The following NOS1AP variants were observed in gnomAD, a reference collection of about 807,000 sequenced individuals.
NOS1AP encodes carboxyl-terminal PDZ ligand of neuronal nitric oxide synthase protein.
NOS1AP carries 21 observed loss-of-function variants against 56.2 expected under a neutral mutation model. That is an observed-to-expected ratio of 0.37 (90% CI 0.26 to 0.54). NOS1AP has a LOEUF of 0.54. NOS1AP is among the 20% of genes least tolerant of loss of function. The pLI, the probability that NOS1AP is intolerant of heterozygous loss-of-function variation, is 0.84. For missense variants in NOS1AP, 522 were observed against 657.8 expected (o/e 0.79, Z 2.26); for synonymous variants, 270 against 274.6 (o/e 0.98, Z 0.17).
intron 1 of NOS1AP, among the ~76,000 whole-genome samples, chr1:162,116,578 T>C (rs147448045): frequency 1.3e-5 from 2 of 152,286 alleles, no homozygotes; most frequent in African/African-American, 4.8e-5. Context: ...GATAGATTCG[T>C]AGTATGTTAC....
chr1:162,298,589 G>A lies in NOS1AP; in HGVS notation c.271-2044G>A, dbSNP rs897849101. ...TTAGTGTCACAGTAAGACAGTGAAT[G>A]CAGAAAGCTTAAATAACATCTAGAG... On this transcript the variant is annotated intron_variant, in intron 3 of 9. Coordinates refer to ENST00000361897, the MANE Select transcript of NOS1AP (RefSeq NM_014697.3). Among the ~76,000 whole-genome samples, 17 of 152,226 alleles carry A rather than the reference G, an allele frequency of 1.1e-4. 1 individual carries two copies. Among genetic ancestry groups the A allele is most frequent in the African/African-American group, 4.1e-4 (17 of 41,466 alleles).
At chr1:162,268,202 T>C (rs1436852525) in intron 2 of NOS1AP, among the ~76,000 whole-genome samples, 2 of 150,838 alleles carry the variant, frequency 1.3e-5, no homozygotes, top group African/African-American at 4.9e-5. Flanking sequence ...AAGGTTGCGG[T>C]AAGCCTAGAT....
chr1:162,095,346 G>A (rs1014092090), intron 1 of NOS1AP, among the ~76,000 whole-genome samples: 1 of 152,182 alleles, frequency 6.6e-6, no homozygotes, highest in African/African-American at 2.4e-5. Context: ...GATATAGCAG[G>A]AAGGTCTGTC....
chr1:162,354,893 C>A (rs1657648270), intron 6 of NOS1AP, among the ~76,000 whole-genome samples: 1 of 152,248 alleles, frequency 6.6e-6, no homozygotes, highest in Non-Finnish European at 1.5e-5. Context: ...TGATCAGCAT[C>A]CCCTTCTTCC....
intron 2 of NOS1AP, among the ~76,000 whole-genome samples, chr1:162,267,395 C>A (rs557332902): frequency 1.1e-3 from 168 of 151,750 alleles, no homozygotes; most frequent in Non-Finnish European, 1.8e-3. Flanking sequence ...TCTCTTGAAG[C>A]CCCACTGGAA....
chr1:162,327,360 A>G (rs554153183), intron 4 of NOS1AP, among the ~76,000 whole-genome samples: 2 of 152,366 alleles, frequency 1.3e-5, no homozygotes, highest in South Asian at 2.1e-4. Flanking sequence ...TGATTGCAAA[A>G]TAGTGATTGG....
intron 2 of NOS1AP, among the ~76,000 whole-genome samples, chr1:162,156,309 G>A (rs1185539023): frequency 2.0e-5 from 3 of 152,178 alleles, no homozygotes; most frequent in Admixed American, 6.5e-5. Flanking sequence ...ATTAAACTGA[G>A]GCTCAGAGGG....
intron 1 of NOS1AP, among the ~76,000 whole-genome samples, chr1:162,148,811 G>T (rs1288630161): frequency 6.6e-6 from 1 of 152,198 alleles, no homozygotes; most frequent in East Asian, 1.9e-4. Flanking sequence ...CAGTAAGGAG[G>T]CCATTGTATA....
At chr1:162,079,750 C>G (rs1336173708) in intron 1 of NOS1AP, among the ~76,000 whole-genome samples, 1 of 152,148 alleles carries the variant, frequency 6.6e-6, no homozygotes, top group African/African-American at 2.4e-5. Flanking sequence ...TTCATCTGTG[C>G]ATGGTTTTAA....
intron 2 of NOS1AP, among the ~76,000 whole-genome samples, chr1:162,282,282 G>A (rs1334681376): frequency 6.6e-6 from 1 of 152,022 alleles, no homozygotes. Context: ...CCTATTATTT[G>A]TCTCTGTAAG....
At chr1:162,123,873 G>GT (rs1648358954) in intron 1 of NOS1AP, among the ~76,000 whole-genome samples, 1 of 151,684 alleles carries the variant, frequency 6.6e-6, no homozygotes, top group African/African-American at 2.4e-5. Flanking sequence ...CTTCAGAGTG[G>GT]ATTTCCTAAA....
chr1:162,274,614 T>G (rs1654682930), intron 2 of NOS1AP, among the ~76,000 whole-genome samples: 1 of 152,234 alleles, frequency 6.6e-6, no homozygotes, highest in African/African-American at 2.4e-5. Context: ...TGGGAGGCCA[T>G]TATTCCAGAC....
chr1:162,146,696 T>C (rs1223297328), intron 1 of NOS1AP, among the ~76,000 whole-genome samples: 3 of 152,232 alleles, frequency 2.0e-5, no homozygotes, highest in Non-Finnish European at 4.4e-5. Context: ...CTTTTAAAGT[T>C]ACTATTATTA....
chr1:162,129,762 C>T (rs1648665162), intron 1 of NOS1AP, among the ~76,000 whole-genome samples: 1 of 152,184 alleles, frequency 6.6e-6, no homozygotes, highest in Admixed American at 6.5e-5. Context: ...CACTGCTGAC[C>T]CATCGCCAGC....
chr1:162,349,866 T>C (rs187171858), intron 6 of NOS1AP, among the ~76,000 whole-genome samples: 1 of 152,172 alleles, frequency 6.6e-6, no homozygotes, highest in South Asian at 2.1e-4. Flanking sequence ...ATACTTTGAG[T>C]CTGAGCATTT....
chr1:162,232,311 TG>T (rs149592593), intron 2 of NOS1AP, among the ~76,000 whole-genome samples: 2,586 of 152,350 alleles, frequency 0.017, 59 homozygotes, highest in African/African-American at 0.058. Flanking sequence ...ATTCAGTTTC[TG>T]TTAAAAGCTG....
At chr1:162,199,168 G>A (rs3897374) in intron 2 of NOS1AP, among the ~76,000 whole-genome samples, 120,593 of 152,054 alleles carry the variant, frequency 0.79, 48,063 homozygotes, top group East Asian at 0.87. Flanking sequence ...TCCTTGAGTC[G>A]GCTTTAAGAG....
intron 6 of NOS1AP, among the ~76,000 whole-genome samples, chr1:162,345,056 C>T (rs937385403): frequency 1.3e-5 from 2 of 151,862 alleles, no homozygotes; most frequent in African/African-American, 2.4e-5. Flanking sequence ...AATGGAAAGG[C>T]ATGCCATATT....
chr1:162,146,287 C>T (rs1200046306), intron 1 of NOS1AP, among the ~76,000 whole-genome samples: 2 of 152,072 alleles, frequency 1.3e-5, no homozygotes, highest in African/African-American at 4.8e-5. Context: ...CCTAAATCTG[C>T]CTCCTCTGAG....
Sources: allele counts gnomAD v4.1 joint callset (sites outside exome capture counted in the v4.1 genomes callset), GRCh38; gene constraint gnomAD v4.1.1; transcripts MANE v1.5; gene names NCBI Gene and HGNC (gene_info 2026-07-23, HGNC 2026-07-21).